Variants in SBF2 observed in about 807,000 individuals in gnomAD.
SBF2 encodes SET binding factor 2, also known as myotubularin-related protein 13.
SBF2 carries 112 observed loss-of-function variants against 225.2 expected under a neutral mutation model. The ratio of observed to expected loss-of-function variants is 0.50; its 90% CI spans 0.43 to 0.58. The LOEUF (loss-of-function observed/expected upper bound fraction) is 0.58. SBF2 is among the 20% of genes least tolerant of loss of function. The probability of loss-of-function intolerance (pLI) is 0.00; values close to 1 mark genes in which losing one functional copy is unlikely to be tolerated. For synonymous variants in SBF2, 763 were observed against 773.3 expected (o/e 0.99, Z 0.22); for missense variants, 1,996 against 2,206.2 (o/e 0.90, Z 1.91).
chr11:10,083,527 A>G (rs975264938), intron 2 of SBF2, among the ~76,000 whole-genome samples: 1 of 152,192 alleles, frequency 6.6e-6, no homozygotes, highest in Non-Finnish European at 1.5e-5. Flanking sequence ...TAATATAAAA[A>G]TAGATACAGA....
At chr11:10,230,057 C>T (rs1166867579) in intron 1 of SBF2, among the ~76,000 whole-genome samples, 1 of 152,128 alleles carries the variant, frequency 6.6e-6, no homozygotes, top group Non-Finnish European at 1.5e-5. Context: ...GATCCCTTTA[C>T]CATTATGTAA....
chr11:10,235,467 C>T (rs146454321), intron 1 of SBF2, among the ~76,000 whole-genome samples: 4 of 148,234 alleles, frequency 2.7e-5, no homozygotes, highest in African/African-American at 7.5e-5. Context: ...GGAGAGGTTG[C>T]GGTGAGCCGA....
intron 16 of SBF2, chr11:9,961,730 G>C: frequency 4.4e-6 from 2 of 459,112 alleles, no homozygotes; most frequent in Non-Finnish European, 7.8e-6. Flanking sequence ...TACAGAACTA[G>C]TAAAATAATC....
chr11:10,214,355 G>A (rs1958050036), intron 1 of SBF2, among the ~76,000 whole-genome samples: 1 of 152,196 alleles, frequency 6.6e-6, no homozygotes, highest in Admixed American at 6.5e-5. Context: ...CGGGCGCGGT[G>A]GCTCACGCCT....
intron 2 of SBF2, among the ~76,000 whole-genome samples, chr11:10,113,015 AC>A (rs1233946251): frequency 6.6e-6 from 1 of 152,192 alleles, no homozygotes; most frequent in East Asian, 1.9e-4. Flanking sequence ...TGTTTTTGAG[AC>A]AGGGTCTCAC....
chr11:10,245,444 A>G (rs1370615920), intron 1 of SBF2, among the ~76,000 whole-genome samples: 1 of 151,636 alleles, frequency 6.6e-6, no homozygotes, highest in African/African-American at 2.4e-5. Context: ...AACAAACAAA[A>G]TGAGATATCA....
At chr11:10,056,201 T>G (rs1448752517) in intron 2 of SBF2, among the ~76,000 whole-genome samples, 2 of 152,232 alleles carry the variant, frequency 1.3e-5, no homozygotes, top group Non-Finnish European at 2.9e-5. Context: ...CTCTTTTTGC[T>G]GAGGTTTGCC....
At chr11:9,961,877 T>C (rs762704435) in intron 16 of SBF2, 80 bp downstream of exon 16, 8 of 1,342,202 alleles carry the variant, frequency 6.0e-6, no homozygotes, top group Non-Finnish European at 7.4e-6. Context: ...AGAACTGATA[T>C]ATTGGTAATT....
At chr11:10,162,108 T>G (rs376706635) in intron 2 of SBF2, among the ~76,000 whole-genome samples, 2 of 151,704 alleles carry the variant, frequency 1.3e-5, no homozygotes, top group Admixed American at 1.3e-4. Flanking sequence ...TAGGAAGGAA[T>G]AGAAAGCTGG....
intron 9 of SBF2, among the ~76,000 whole-genome samples, chr11:9,997,757 G>A (rs1044701510): frequency 6.6e-6 from 1 of 152,176 alleles, no homozygotes. Context: ...CAGCCTGGGC[G>A]ACAGAGCAAG....
intron 16 of SBF2, among the ~76,000 whole-genome samples, chr11:9,913,643 AAAAATAAAAT>A (rs142122670): frequency 4.8e-4 from 69 of 144,850 alleles, no homozygotes; most frequent in East Asian, 2.2e-3. Context: ...CTGAGATTAA[AAAAATAAAAT>A]AAAATAAAAT....
chr11:10,294,661 G>T (rs150450517), upstream of SBF2, among the ~76,000 whole-genome samples: 1 of 152,370 alleles, frequency 6.6e-6, no homozygotes, highest in Non-Finnish European at 1.5e-5. Context: ...ATGTTGTGTA[G>T]ATGGGAATTT....
At chr11:10,124,203 G>C (rs1359744252) in intron 2 of SBF2, among the ~76,000 whole-genome samples, 1 of 152,038 alleles carries the variant, frequency 6.6e-6, no homozygotes, top group Non-Finnish European at 1.5e-5. Flanking sequence ...AAGTTCTAAG[G>C]TGTTTTTGAT....
chr11:9,857,149 A>C (rs1272138128), intron 18 of SBF2, among the ~76,000 whole-genome samples: 1 of 152,234 alleles, frequency 6.6e-6, no homozygotes, highest in Non-Finnish European at 1.5e-5. Flanking sequence ...TGAAAACATA[A>C]ACATAACATA....
chr11:9,959,192 T>C (rs1866395058), intron 16 of SBF2: 1 of 795,924 alleles, frequency 1.3e-6, no homozygotes, highest in African/African-American at 1.7e-5. Flanking sequence ...CAGGGTCCGA[T>C]TTGGAATTTC....
At chr11:10,060,269 A>C (rs942360944) in intron 2 of SBF2, among the ~76,000 whole-genome samples, 2 of 152,202 alleles carry the variant, frequency 1.3e-5, no homozygotes, top group Non-Finnish European at 2.9e-5. Flanking sequence ...CACAAAAACT[A>C]GAAAACCTTG....
intron 1 of SBF2, among the ~76,000 whole-genome samples, chr11:10,243,515 A>T (rs775920202): frequency 1.6e-3 from 249 of 151,996 alleles, no homozygotes; most frequent in Admixed American, 3.0e-3. Flanking sequence ...AAAATTTTTT[A>T]ATGACAAAAT....
chr11:10,268,140 C>T (rs918042931), intron 1 of SBF2, among the ~76,000 whole-genome samples: 2 of 152,106 alleles, frequency 1.3e-5, no homozygotes, highest in African/African-American at 4.8e-5. Flanking sequence ...TATTATTGTC[C>T]AAGTTTGTTC....
At chr11:10,223,402 TATA>T (rs1958415641) in intron 1 of SBF2, among the ~76,000 whole-genome samples, 10 of 58,394 alleles carry the variant, frequency 1.7e-4, no homozygotes, top group African/African-American at 7.9e-4. Context: ...TTGCACATTA[TATA>T]TATATATATA....
Sources: allele counts gnomAD v4.1 joint callset (sites outside exome capture counted in the v4.1 genomes callset), GRCh38; gene constraint gnomAD v4.1.1; transcripts MANE v1.5; gene names NCBI Gene and HGNC (gene_info 2026-07-23, HGNC 2026-07-21).